RLIG1: variants seen among roughly 807,000 people sequenced by gnomAD.
The protein encoded by RLIG1 is RNA ligase 1.
the RLIG1 span, chr12:88,042,865 C>A: frequency 1.3e-6 from 2 of 1,564,416 alleles, no homozygotes; most frequent in South Asian, 1.2e-5. Flanking sequence ...GAAAACCCAA[C>A]AAACAAGCTG....
the RLIG1 span, chr12:88,043,779 C>A: frequency 8.7e-7 from 1 of 1,146,220 alleles, no homozygotes; most frequent in Non-Finnish European, 1.3e-6. Context: ...AATATCCATT[C>A]AATCAGAAAT....
the RLIG1 span, among the ~76,000 whole-genome samples, chr12:88,043,323 A>G: frequency 2.0e-5 from 3 of 152,104 alleles, no homozygotes; most frequent in Admixed American, 6.5e-5. Context: ...TATTCATAGT[A>G]TATTAAAAAT....
the RLIG1 span, among the ~76,000 whole-genome samples, chr12:88,039,415 T>G: frequency 3.3e-5 from 5 of 152,164 alleles, no homozygotes; most frequent in African/African-American, 1.2e-4. Context: ...AAAATTACAA[T>G]TGAAAGATAC....
the RLIG1 span, among the ~76,000 whole-genome samples, chr12:88,038,968 A>G: frequency 6.6e-6 from 1 of 152,140 alleles, no homozygotes; most frequent in Non-Finnish European, 1.5e-5. Context: ...AAACCATTTG[A>G]TTTTGGCTCT....
chr12:88,042,777 A>G, the RLIG1 span: 5 of 1,211,500 alleles, frequency 4.1e-6, no homozygotes, highest in South Asian at 1.8e-5. Context: ...GTCTTTCAAG[A>G]TAAGTTTTGT....
the RLIG1 span, among the ~76,000 whole-genome samples, chr12:88,037,939 G>C: frequency 6.6e-6 from 1 of 152,088 alleles, no homozygotes; most frequent in Non-Finnish European, 1.5e-5. Context: ...TCTTCTTCCT[G>C]ACAGTAGAAA....
the RLIG1 span, chr12:88,035,812 G>A: frequency 1.3e-6 from 2 of 1,546,306 alleles, no homozygotes; most frequent in Non-Finnish European, 8.7e-7. Context: ...GTGCGAACCC[G>A]GCGAGGGCGG....
chr12:88,049,477 A>G, the RLIG1 span: 1 of 862,108 alleles, frequency 1.2e-6, no homozygotes, highest in Non-Finnish European at 1.8e-6. Flanking sequence ...CGTTTGAACA[A>G]GGAGATTTAA....
the RLIG1 span, among the ~76,000 whole-genome samples, chr12:88,036,452 A>G: frequency 1.4e-4 from 22 of 152,234 alleles, no homozygotes; most frequent in Non-Finnish European, 2.8e-4. Flanking sequence ...TCCATTGGAA[A>G]TCCACCTCAC....
At chr12:88,035,641 G>T in the RLIG1 span, 2 of 1,599,836 alleles carry the variant, frequency 1.3e-6, no homozygotes, top group South Asian at 1.1e-5. Context: ...CTGCTTGTTG[G>T]GCTCATCATG....
chr12:88,036,477 T>A, the RLIG1 span, among the ~76,000 whole-genome samples: 1 of 152,230 alleles, frequency 6.6e-6, no homozygotes, highest in Non-Finnish European at 1.5e-5. Context: ...GTTTCATCAT[T>A]GGCACTGGCT....
chr12:88,045,044 T>C, the RLIG1 span: 2 of 152,376 alleles, frequency 1.3e-5, no homozygotes, highest in Non-Finnish European at 2.9e-5. Context: ...TGGATTTCAC[T>C]GGAGGCTAGG....
chr12:88,039,320 T>G, the RLIG1 span, among the ~76,000 whole-genome samples: 1 of 152,060 alleles, frequency 6.6e-6, no homozygotes, highest in Non-Finnish European at 1.5e-5. Context: ...AAAAACAAGT[T>G]TTGTAAATCA....
chr12:88,043,638 C>T, the RLIG1 span: 24 of 1,612,402 alleles, frequency 1.5e-5, no homozygotes, highest in African/African-American at 8.0e-5. Context: ...AAACCAGCTC[C>T]GGAGTGCTGG....
chr12:88,035,769 CCCGCGTGGGCTCCTCCCCG>C, the RLIG1 span: 52 of 1,563,888 alleles, frequency 3.3e-5, no homozygotes, highest in Non-Finnish European at 2.6e-6. Context: ...GGCTTGGCGG[CCCGCGTGGGCTCCTCCCCG>C]CGGCGCTGGC....
chr12:88,040,294 A>G, the RLIG1 span: 5 of 1,233,438 alleles, frequency 4.1e-6, no homozygotes, highest in Admixed American at 4.3e-5. Context: ...ATTTACTACA[A>G]ATATTACTTA....
At chr12:88,048,287 T>C in the RLIG1 span, 1 of 1,601,360 alleles carries the variant, frequency 6.2e-7, no homozygotes, top group South Asian at 1.1e-5. Context: ...CTTACATGAA[T>C]TCAAGACCAG....
chr12:88,040,419 T>C, the RLIG1 span, among the ~76,000 whole-genome samples: 1 of 152,220 alleles, frequency 6.6e-6, no homozygotes, highest in Admixed American at 6.5e-5. Context: ...AGTTCACTTA[T>C]GTTACTGTAT....
the RLIG1 span, chr12:88,046,916 T>C: frequency 1.9e-6 from 3 of 1,612,928 alleles, no homozygotes; most frequent in Middle Eastern, 1.7e-4. Flanking sequence ...GGTTTGAAGA[T>C]TGCAAAGAGG....
Sources: gnomAD v4.1 joint callset for allele counts (sites outside exome capture counted in the v4.1 genomes callset) on GRCh38, gnomAD v4.1.1 for gene constraint, MANE v1.5 for transcripts, NCBI Gene and HGNC (gene_info 2026-07-23, HGNC 2026-07-21) for gene names.